Variants in TSHZ2 observed in about 807,000 individuals in gnomAD.
TSHZ2 encodes the protein teashirt zinc finger homeobox 2, also known as teashirt homolog 2.
In TSHZ2, 21 loss-of-function variants were observed where a neutral mutation model predicts 74.4. The observed-to-expected ratio is 0.28, with a 90% confidence interval of 0.20 to 0.41. The LOEUF (loss-of-function observed/expected upper bound fraction) is 0.41. TSHZ2 is among the 10% of genes least tolerant of loss of function. The probability of loss-of-function intolerance (pLI) is 1.00; values close to 1 mark genes in which losing one functional copy is unlikely to be tolerated. For missense variants in TSHZ2, 1,244 were observed against 1,293.5 expected, an observed-to-expected ratio of 0.96 and a Z score of 0.59; for synonymous variants, 540 against 515.3, an observed-to-expected ratio of 1.05 and a Z score of -0.65.
chr20:53,241,860 C>G lies in TSHZ2; in HGVS notation c.41-11639C>G, dbSNP rs141704452. 1.1e-4 allele frequency among the ~76,000 whole-genome samples: 17 copies of G among 152,246 alleles called. No homozygotes were observed. In the East Asian group the frequency reaches 2.9e-3, roughly 26 times the overall value. On this transcript the variant is annotated intron_variant, in intron 1 of 2. Transcript: ENST00000371497. ...GGACATGGCAGAGATGAGATTTGAACCCAGGTGGGCTTGCTGTAGACCTTG... is the reference window on the plus strand; with the variant it reads ...GGACATGGCAGAGATGAGATTTGAAGCCAGGTGGGCTTGCTGTAGACCTTG...
chr20:53,406,397 C>T (rs1982854258), intron 2 of TSHZ2, among the ~76,000 whole-genome samples: 1 of 152,154 alleles, frequency 6.6e-6, no homozygotes, highest in African/African-American at 2.4e-5. Context: ...AAAGGATATT[C>T]TGGGTGTAGA....
At chr20:53,105,591 C>G (rs79890953) in intron 1 of TSHZ2, among the ~76,000 whole-genome samples, 2,239 of 152,192 alleles carry the variant, frequency 0.015, 25 homozygotes, top group Non-Finnish European at 0.02. Flanking sequence ...TTCACTGATA[C>G]CAATCCCATA....
At chr20:53,443,595 T>C (rs528711054) in intron 2 of TSHZ2, among the ~76,000 whole-genome samples, 1 of 152,222 alleles carries the variant, frequency 6.6e-6, no homozygotes, top group African/African-American at 2.4e-5. Context: ...TCTTCAGGTA[T>C]CATCTGTCTC....
intron 1 of TSHZ2, among the ~76,000 whole-genome samples, chr20:53,055,125 T>C (rs1292732350): frequency 6.6e-6 from 1 of 152,182 alleles, no homozygotes. Flanking sequence ...TTGCTATTGA[T>C]GACAAAAAAA....
rs776827756 is a variant in TSHZ2, at chr20:53,256,770, G to T, written c.*8+199G>T. The stretch of plus-strand genomic sequence containing the variant: ...TCTTAAGTCCTCTAGTTTAGAGCTG[G>T]GAACTAGAATAAAACGGGTTTAGAG... On this transcript the variant is annotated intron_variant, in intron 2 of 2. Coordinates refer to ENST00000371497, the MANE Select transcript of TSHZ2 (RefSeq NM_173485.6). This position sits in a 1 kb window ranked among gnomAD's most constrained non-coding sequence, Gnocchi z 4.3. Among the ~76,000 whole-genome samples, 1 of 152,182 alleles carries T rather than the reference G, an allele frequency of 6.6e-6. No individual in the cohort carries two copies. The highest frequency in any genetic ancestry group is 1.5e-5 in the Non-Finnish European group (1 of 68,042).
At chr20:53,059,026 T>C (rs1354562105) in intron 1 of TSHZ2, among the ~76,000 whole-genome samples, 4 of 152,248 alleles carry the variant, frequency 2.6e-5, no homozygotes, top group Admixed American at 1.3e-4. Flanking sequence ...TCATTGAGTG[T>C]ATTTTCAGAA....
At position 53,488,957 on chromosome 20, in the gene TSHZ2, G is replaced by A. The variant is rs922808478; in HGVS notation, c.*1822G>A. ...TAGATGGGAAAAAATATGGCGCTTC[G>A]GGGAAGGAGGGAAAAAGTAAATGAA... On this transcript the variant is annotated 3_prime_UTR_variant, in exon 3 of 3. Coordinates refer to ENST00000371497, the MANE Select transcript of TSHZ2 (RefSeq NM_173485.6). The A allele has an allele frequency of 2.4e-5, 11 of 455,556 alleles. No homozygotes were observed. Among genetic ancestry groups the A allele is most frequent in the East Asian group, 6.9e-5 (1 of 14,396 alleles). The allele number at this position is 455,556 out of a possible 1,614,324, so 28.2% of individuals were successfully genotyped here.
chr20:53,185,322 T>G (rs1440842851), intron 1 of TSHZ2: 8 of 1,100,300 alleles, frequency 7.3e-6, no homozygotes, highest in African/African-American at 1.6e-5. Flanking sequence ...TAGGCTCTAT[T>G]GCAATACATC....
At chr20:53,229,783 G>A (rs73148661) in intron 1 of TSHZ2, among the ~76,000 whole-genome samples, 2 of 150,744 alleles carry the variant, frequency 1.3e-5, no homozygotes, top group African/African-American at 2.4e-5. Context: ...GGGAGAGAGG[G>A]AGGAGGGAGG....
At chr20:53,147,789 T>C (rs1399236626) in intron 1 of TSHZ2, among the ~76,000 whole-genome samples, 1 of 152,216 alleles carries the variant, frequency 6.6e-6, no homozygotes, top group East Asian at 1.9e-4. Context: ...CCATCTCTGC[T>C]CACTGCAACC....
chr20:53,057,091 C>T (rs929982100), intron 1 of TSHZ2, among the ~76,000 whole-genome samples: 6 of 152,182 alleles, frequency 3.9e-5, no homozygotes, highest in Non-Finnish European at 8.8e-5. Context: ...GGCAGTTCCC[C>T]TGCACCGCTC....
chr20:53,311,041 T>A (rs929682293), intron 2 of TSHZ2, among the ~76,000 whole-genome samples: 6 of 152,254 alleles, frequency 3.9e-5, no homozygotes, highest in African/African-American at 1.4e-4. Flanking sequence ...TAGACCATTG[T>A]GCTGAGATGA....
chr20:53,009,750 T>C (rs982047427), intron 1 of TSHZ2, among the ~76,000 whole-genome samples: 1 of 152,168 alleles, frequency 6.6e-6, no homozygotes, highest in African/African-American at 2.4e-5. Context: ...GATATCTTGT[T>C]GAAGGCAAAT....
At chr20:53,175,140 T>C (rs1163295969) in intron 1 of TSHZ2, among the ~76,000 whole-genome samples, 6 of 138,996 alleles carry the variant, frequency 4.3e-5, no homozygotes, top group Middle Eastern at 3.6e-3. Context: ...TCTTTTTTTT[T>C]TTTTTTTTTT....
rs537780033 is a variant in TSHZ2, at chr20:53,000,735, C to T, written c.40+27402C>T. Among the ~76,000 whole-genome samples, 57 of 152,190 alleles carry T rather than the reference C, an allele frequency of 3.7e-4. 1 individual carries two copies. The highest frequency in any genetic ancestry group is 3.4e-3 in the Middle Eastern group (1 of 294). ...ATGAGAAAGATAGGAGATGAGATGA[C>T]GGAAGCTTTTTGCATTTTTAATATT... is the stretch of plus-strand genomic sequence containing the variant. On this transcript the variant is annotated intron_variant, in intron 1 of 2. Transcript: ENST00000371497.
chr20:53,472,409 A>C (rs1160071143), intron 2 of TSHZ2, among the ~76,000 whole-genome samples: 1 of 152,146 alleles, frequency 6.6e-6, no homozygotes, highest in Non-Finnish European at 1.5e-5. Context: ...CTGAAAGTTG[A>C]GTCATATGAG....
intron 1 of TSHZ2, among the ~76,000 whole-genome samples, chr20:53,154,116 G>T (rs1987737532): frequency 6.6e-6 from 1 of 152,196 alleles, no homozygotes. Flanking sequence ...GCAGTCACAT[G>T]GCAAAATGTG....
intron 2 of TSHZ2, among the ~76,000 whole-genome samples, chr20:53,453,596 C>T (rs1349149824): frequency 6.6e-6 from 1 of 152,042 alleles, no homozygotes; most frequent in Non-Finnish European, 1.5e-5. Context: ...AATTTAAAAC[C>T]AGGAGGGGAA....
chr20:53,022,697 G>A (rs889139200), intron 1 of TSHZ2, among the ~76,000 whole-genome samples: 13 of 152,156 alleles, frequency 8.5e-5, no homozygotes, highest in African/African-American at 3.1e-4. Context: ...CAGGTATACA[G>A]ACAATAATTT....
Sources: gnomAD v4.1 joint callset for allele counts (sites outside exome capture counted in the v4.1 genomes callset) on GRCh38, gnomAD v4.1.1 for gene constraint, Gnocchi (gnomAD v3.1) non-coding constraint, MANE v1.5 for transcripts, NCBI Gene and HGNC (gene_info 2026-07-23, HGNC 2026-07-21) for gene names.